The following CLK3 variants were observed in gnomAD, a reference collection of about 807,000 sequenced individuals.
CLK3 encodes CDC like kinase 3, also known as dual specificity protein kinase CLK3.
A neutral mutation model predicts 65.2 loss-of-function variants in CLK3; 24 were observed. The ratio of observed to expected loss-of-function variants is 0.37; its 90% CI spans 0.27 to 0.52. The LOEUF is 0.52. Among genes scored for constraint, CLK3 ranks in the 20% least tolerant of loss-of-function variants. CLK3 has a pLI of 0.92. For synonymous variants in CLK3, 252 were observed against 240.8 expected (o/e 1.05, Z -0.43); for missense variants, 506 against 660.0 (o/e 0.77, Z 2.56).
chr15:74,627,224 G>A lies in CLK3; in HGVS notation c.818-128G>A. On this transcript the variant is annotated intron_variant, in intron 7 of 12. Transcript: ENST00000395066. This position sits in a 1 kb window ranked among gnomAD's most constrained non-coding sequence, Gnocchi z 4.3. ...CAGCACAGAGGCAGGCTGTAGTCCAGCTCCCTGCTGAGGTGGGGGTGTGAG... is the reference window on the plus strand; with the variant it reads ...CAGCACAGAGGCAGGCTGTAGTCCAACTCCCTGCTGAGGTGGGGGTGTGAG... 1 of 778,556 alleles carries A rather than the reference G, an allele frequency of 1.3e-6. No individual in the cohort carries two copies. Among genetic ancestry groups the A allele is most frequent in the Non-Finnish European group, 2.3e-6 (1 of 435,272 alleles). 48.2% of individuals were successfully genotyped at this position (778,556 alleles called of 1,614,324 possible). A position where few individuals can be genotyped will look rare whatever the true frequency, so the allele number is the denominator to read the frequency against.
intron 10 of CLK3, among the ~76,000 whole-genome samples, chr15:74,628,342 A>G (rs1291284303): frequency 1.3e-5 from 2 of 152,142 alleles, no homozygotes; most frequent in Admixed American, 6.5e-5. Flanking sequence ...AGGCATCGGG[A>G]TGGGCTGGGA....
In CLK3 at chr15:74,622,431, C is replaced by G; in HGVS notation, c.467-63C>G. 2.3e-6 allele frequency: 3 copies of G among 1,293,238 alleles called. No homozygotes were observed. The highest frequency in any genetic ancestry group is 3.3e-6 in the Non-Finnish European group (3 of 911,286). The allele number at this position is 1,293,238 out of a possible 1,614,324, so 80.1% of individuals were successfully genotyped here. A position where few individuals can be genotyped will look rare whatever the true frequency, so the allele number is the denominator to read the frequency against. ...TTTTTGAGAATTTGAATGCTGTGAA[C>G]TTGCAGGAGCTGCCAACCCCCTGCC... is the stretch of plus-strand genomic sequence containing the variant. On this transcript the variant is annotated intron_variant, in intron 4 of 12. Coordinates refer to ENST00000395066, the MANE Select transcript of CLK3 (RefSeq NM_001130028.2). This position sits in a 1 kb window ranked among gnomAD's most constrained non-coding sequence, Gnocchi z 4.6.
chr15:74,619,342 C>G lies in CLK3; in HGVS notation c.146C>G (p.Ser49Cys), dbSNP rs758173718. ...GAGCCTCCCCCACGAAGATCTCGGTCCAGAAGGTGAGAGGGAACTAGATAG... is the reference window on the plus strand; with the variant it reads ...GAGCCTCCCCCACGAAGATCTCGGTGCAGAAGGTGAGAGGGAACTAGATAG... Reference protein sequence around the residue: ...RREPPPRRSRSRSHDRLPYQR... With the variant: ...RREPPPRRSRCRSHDRLPYQR... The change falls in exon 2 of 13, where the codon TCC becomes TGC. Residue 49 changes from serine (S) to cysteine (C), a missense_variant. Ser to Cys is a moderately radical substitution (Grantham distance 112). This residue lies in a region of CLK3 where 181 missense variants were observed against 159.4 expected (regional missense o/e 1.14). Coordinates refer to ENST00000395066, the MANE Select transcript of CLK3 (RefSeq NM_001130028.2). 1.2e-6 allele frequency: 2 copies of G among 1,613,910 alleles called. No individual in the cohort carries two copies. The highest frequency in any genetic ancestry group is 1.7e-6 in the Non-Finnish European group (2 of 1,179,966).
At chr15:74,614,128 C>T (rs1156736053), upstream of CLK3, among the ~76,000 whole-genome samples, 2 of 152,214 alleles carry the variant, frequency 1.3e-5, no homozygotes, top group African/African-American at 2.4e-5. Flanking sequence ...ATTCTCCCAC[C>T]TCAGCCTCCC....
Position 74,624,657 on chromosome 15 carries a change from A to T in CLK3, c.534-245A>T. The T allele has an allele frequency of 1.8e-6, 1 of 559,052 alleles. No homozygotes were observed. Among genetic ancestry groups the T allele is most frequent in the African/African-American group, 1.9e-5 (1 of 53,274 alleles). 34.6% of individuals were successfully genotyped at this position (559,052 alleles called of 1,614,324 possible). The stretch of plus-strand genomic sequence containing the variant: ...CTCCTTTGGGAGCTGGCAGTGGCTG[A>T]GAACATAAAAGCCTAAGGATGGCAA... On this transcript the variant is annotated intron_variant, in intron 5 of 12. Coordinates refer to ENST00000395066, the MANE Select transcript of CLK3 (RefSeq NM_001130028.2). The surrounding 1 kb of genome is among the most constrained non-coding windows in gnomAD (Gnocchi z 4.2).
upstream of CLK3, chr15:74,615,747 C>T (rs571805378): frequency 5.7e-6 from 7 of 1,238,182 alleles, no homozygotes; most frequent in Admixed American, 8.4e-5. Flanking sequence ...GGGGCTAGAG[C>T]GGCCAGGCCT....
At chr15:74,628,577 C>G in intron 10 of CLK3, 27 bp from the exon 11 acceptor site, 1 of 1,578,014 alleles carries the variant, frequency 6.3e-7, no homozygotes. Context: ...GTACTGACCC[C>G]CTTGCACTGT....
chr15:74,613,041 C>T (rs1259898254), upstream of CLK3, among the ~76,000 whole-genome samples: 4 of 152,154 alleles, frequency 2.6e-5, no homozygotes, highest in Non-Finnish European at 5.9e-5. Flanking sequence ...GGAGGTGACC[C>T]TGGGGCCAAG....
rs1024860308 is a variant in CLK3 at position 74,621,587 on chromosome 15, A to G, written c.370-533A>G. 9.2e-5 allele frequency: 20 copies of G among 217,654 alleles called. No individual in the cohort carries two copies. The highest frequency in any genetic ancestry group is 2.0e-4 in the Admixed American group (4 of 19,568). The allele number at this position is 217,654 out of a possible 1,614,324, so 13.5% of individuals were successfully genotyped here. On this transcript the variant is annotated intron_variant, in intron 3 of 12. Transcript: ENST00000395066. This position sits in a 1 kb window ranked among gnomAD's most constrained non-coding sequence, Gnocchi z 4.8. ...CTGCGTGGGCGAACAGAGGCAGGCA[A>G]GGACAGGCTGGGCATTCTGCAGCTG... is the stretch of plus-strand genomic sequence containing the variant.
chr15:74,627,894 GTGGTGGCTGCCTTGTGACT>G lies in CLK3; in HGVS notation c.1043-74_1043-56del, dbSNP rs1285938657. 26 of 1,281,180 alleles carry G rather than the reference GTGGTGGCTGCCTTGTGACT, an allele frequency of 2.0e-5. No homozygotes were observed. Among genetic ancestry groups the G allele is most frequent in the Middle Eastern group, 1.8e-4 (1 of 5,410 alleles). The allele number at this position is 1,281,180 out of a possible 1,614,324, so 79.4% of individuals were successfully genotyped here. ...TTGGGCAAGAGTCCTGCCAGCCGGT[GTGGTGGCTGCCTTGTGACT>G]TCCAGGCTGGAAGCATAAGGCCGGA... is the stretch of plus-strand genomic sequence containing the variant. On this transcript the variant is annotated intron_variant, in intron 9 of 12. Coordinates refer to ENST00000395066, the MANE Select transcript of CLK3 (RefSeq NM_001130028.2). This position sits in a 1 kb window ranked among gnomAD's most constrained non-coding sequence, Gnocchi z 4.3.
intron 1 of CLK3, chr15:74,608,564 T>G (rs1403542108): frequency 6.6e-6 from 1 of 152,154 alleles, no homozygotes; most frequent in Non-Finnish European, 1.5e-5. Flanking sequence ...ACTGGGCACT[T>G]CTACTCCCAA....
At chr15:74,625,039 G>C in intron 6 of CLK3, 21 bp downstream of exon 6, 3 of 1,580,060 alleles carry the variant, frequency 1.9e-6, no homozygotes, top group Middle Eastern at 3.3e-4. Context: ...GCAAGGAGTG[G>C]GAGGGAAGCC....
intron 1 of CLK3, 74 bp from the exon 2 acceptor site, chr15:74,619,123 G>A (rs1358442583): frequency 2.5e-6 from 4 of 1,577,954 alleles, no homozygotes; most frequent in Non-Finnish European, 3.4e-6. Flanking sequence ...GAGCAACCGG[G>A]AAGCCCCAGC....
chr15:74,615,754 G>C, upstream of CLK3: 1 of 1,238,458 alleles, frequency 8.1e-7, no homozygotes, highest in Non-Finnish European at 1.0e-6. Flanking sequence ...GAGCGGCCAG[G>C]CCTCCGAGCC....
rs552084984 is a variant in CLK3 at position 74,621,306 on chromosome 15, G to A, written c.370-814G>A. 2 of 156,324 alleles carry A rather than the reference G, an allele frequency of 1.3e-5. No individual in the cohort carries two copies. The highest frequency in any genetic ancestry group is 3.8e-4 in the East Asian group (2 of 5,274). 9.7% of individuals were successfully genotyped at this position (156,324 alleles called of 1,614,324 possible). On this transcript the variant is annotated intron_variant, in intron 3 of 12. Coordinates refer to ENST00000395066, the MANE Select transcript of CLK3 (RefSeq NM_001130028.2). The surrounding 1 kb of genome is among the most constrained non-coding windows in gnomAD (Gnocchi z 4.8). ...ATCGATCGTCGTGAGGCTTGGGATG[G>A]GCCTAGATTGTGAGCAGCATGGGTG...
At chr15:74,615,964 C>T in intron 1 of CLK3, 66 bp downstream of exon 1, 2 of 1,151,328 alleles carry the variant, frequency 1.7e-6, no homozygotes, top group South Asian at 7.8e-5. Flanking sequence ...GTCGGCGGGG[C>T]AGGCGCGCTG....
rs899443263 is a variant in CLK3 at position 74,626,035 on chromosome 15, G to C, written c.817+67G>C. The C allele has an allele frequency of 2.8e-5, 43 of 1,546,658 alleles. 1 individual carries two copies. The highest frequency in any genetic ancestry group is 1.9e-5 in the Non-Finnish European group (21 of 1,123,756). ...CTGCAGCCAAGTCATCTGGTTACTT[G>C]TTGTCCCCATTCATTCCAGCACGTT... On this transcript the variant is annotated intron_variant, in intron 7 of 12. Coordinates refer to ENST00000395066, the MANE Select transcript of CLK3 (RefSeq NM_001130028.2).
chr15:74,624,993 A>G lies in CLK3; in HGVS notation c.625A>G (p.Lys209Glu). 6.2e-7 allele frequency: 1 copy of G among 1,613,840 alleles called. No individual in the cohort carries two copies. The highest frequency in any genetic ancestry group is 8.5e-7 in the Non-Finnish European group (1 of 1,179,848). ...RLEINVLKKI[K>E]EKDKENKFLC... is the part of the protein sequence containing the mutation. ...AGAAATCAACGTGCTCAAAAAAATC[A>G]AGGAGAAGGACAAAGAAAACAAGTT... Residue 209 changes from lysine (K) to glutamate (E), a missense_variant, in exon 6 of 13, where the codon AAG (lysine) becomes GAG (glutamate). Around this residue, in one of 2 missense-constraint regions of CLK3, gnomAD observed 325 missense variants for 500.5 expected, o/e 0.65. Transcript: ENST00000395066. The surrounding 1 kb of genome is among the most constrained non-coding windows in gnomAD (Gnocchi z 4.2).
rs2062089799 is a variant in CLK3 at position 74,620,104 on chromosome 15, A to G, written c.248A>G (p.Tyr83Cys). ...EERSPSFGED[Y>C]YGPSRSRHRR... ...CGGAGCCCATCCTTTGGAGAGGACT[A>G]CTATGGACCTTCACGTTCTCGTCAT... Residue 83 changes from tyrosine to cysteine, a missense_variant, in exon 3 of 13, where the codon TAC becomes TGC. Coordinates refer to ENST00000395066, the MANE Select transcript of CLK3 (RefSeq NM_001130028.2). The G allele has an allele frequency of 1.2e-6, 2 of 1,614,172 alleles. No individual in the cohort carries two copies. Among genetic ancestry groups the G allele is most frequent in the South Asian group, 1.1e-5 (1 of 91,080 alleles).
Sources: gnomAD v4.1 joint callset for allele counts (sites outside exome capture counted in the v4.1 genomes callset) on GRCh38, gnomAD v4.1.1 for gene constraint, gnomAD v4.1.1 regional missense constraint, Gnocchi (gnomAD v3.1) non-coding constraint, MANE v1.5 for transcripts, NCBI Gene and HGNC (gene_info 2026-07-23, HGNC 2026-07-21) for gene names.